The following CAMKMT variants were observed in gnomAD, a reference collection of about 807,000 sequenced individuals.
CAMKMT encodes the protein CaM KMT.
A neutral mutation model predicts 48.0 loss-of-function variants in CAMKMT; 53 were observed. The observed-to-expected ratio is 1.10, with a 90% CI of 0.89 to 1.39. The LOEUF is 1.39. CAMKMT is among the 40% of genes most tolerant of loss of function. CAMKMT has a pLI of 0.00. For missense variants in CAMKMT, 428 were observed against 402.7 expected (o/e 1.06, Z -0.54); for synonymous variants, 165 against 152.3 (o/e 1.08, Z -0.61).
chr2:44,655,096 T>C (rs1372179633), intron 3 of CAMKMT, among the ~76,000 whole-genome samples: 4 of 152,248 alleles, frequency 2.6e-5, no homozygotes, highest in Non-Finnish European at 2.9e-5. Flanking sequence ...GAATTTAAAA[T>C]ATATCCAGTT....
chr2:44,720,798 T>G (rs1678423534), intron 7 of CAMKMT, among the ~76,000 whole-genome samples: 1 of 152,180 alleles, frequency 6.6e-6, no homozygotes, highest in Non-Finnish European at 1.5e-5. Context: ...ATTTCATATT[T>G]ACTAAGACTT....
chr2:44,368,121 A>T (rs1678802235), intron 1 of CAMKMT, among the ~76,000 whole-genome samples: 1 of 152,070 alleles, frequency 6.6e-6, no homozygotes, highest in East Asian at 1.9e-4. Context: ...ACATGAACTT[A>T]TTTGGTATAT....
At chr2:44,388,200 A>G (rs967280893) in intron 2 of CAMKMT, among the ~76,000 whole-genome samples, 1 of 151,790 alleles carries the variant, frequency 6.6e-6, no homozygotes, top group South Asian at 2.1e-4. Flanking sequence ...CTTTGTTCAT[A>G]TTTTCTTATT....
rs189931945 is a variant in CAMKMT at position 44,579,343 on chromosome 2, C to T, written c.377-124940C>T. Among the ~76,000 whole-genome samples the T allele has an allele frequency of 6.6e-5, 10 of 152,110 alleles. No individual in the cohort carries two copies. The East Asian group carries it at 1.2e-3, about 18-fold the overall frequency. On this transcript the variant is annotated intron_variant, in intron 3 of 10. Coordinates refer to ENST00000378494, the MANE Select transcript of CAMKMT (RefSeq NM_024766.5). ...CAACATGGAAGCCCAGTAATTCATG[C>T]GCTGGTGTAATGGAGCAAATGAAAT...
At chr2:44,733,483 G>A (rs1679190733) in intron 7 of CAMKMT, among the ~76,000 whole-genome samples, 1 of 152,116 alleles carries the variant, frequency 6.6e-6, no homozygotes, top group Admixed American at 6.5e-5. Context: ...GTGCAGTGTT[G>A]AAGAATGAAA....
chr2:44,428,065 C>G (rs879559386), intron 3 of CAMKMT, among the ~76,000 whole-genome samples: 4 of 152,204 alleles, frequency 2.6e-5, no homozygotes, highest in Non-Finnish European at 4.4e-5. Context: ...CATTTGCCTT[C>G]TACTGTTGGC....
At chr2:44,389,002 G>C (rs1042914187) in intron 2 of CAMKMT, among the ~76,000 whole-genome samples, 1 of 152,174 alleles carries the variant, frequency 6.6e-6, no homozygotes, top group Non-Finnish European at 1.5e-5. Context: ...GGGAGGTGGT[G>C]CTTTCCAGAG....
chr2:44,547,298 G>C (rs1667460940), intron 3 of CAMKMT, among the ~76,000 whole-genome samples: 1 of 152,154 alleles, frequency 6.6e-6, no homozygotes, highest in African/African-American at 2.4e-5. Flanking sequence ...TAGTTGGAAA[G>C]ACAGTACCTC....
intron 3 of CAMKMT, among the ~76,000 whole-genome samples, chr2:44,443,714 A>G (rs1666809891): frequency 6.6e-6 from 1 of 152,174 alleles, no homozygotes; most frequent in African/African-American, 2.4e-5. Context: ...TGACTTCTTC[A>G]TGTCTGTTAA....
chr2:44,472,347 A>G (rs1668465083), intron 3 of CAMKMT, among the ~76,000 whole-genome samples: 1 of 152,166 alleles, frequency 6.6e-6, no homozygotes, highest in South Asian at 2.1e-4. Context: ...ATTTCATTTG[A>G]ATGATTATTT....
intron 7 of CAMKMT, 71 bp downstream of exon 7, chr2:44,715,424 A>AAAT (rs1384735162): frequency 1.8e-6 from 2 of 1,104,406 alleles, no homozygotes; most frequent in Non-Finnish European, 2.7e-6. Flanking sequence ...TGGTTATTAA[A>AAAT]AATAATAATA....
At chr2:44,413,001 G>A (rs142005992) in intron 3 of CAMKMT, among the ~76,000 whole-genome samples, 3,526 of 151,848 alleles carry the variant, frequency 0.023, 152 homozygotes, top group African/African-American at 0.081. Flanking sequence ...GCTTGAACCC[G>A]GGAAGCAGAG....
chr2:44,416,478 C>G (rs1442669206), intron 3 of CAMKMT, among the ~76,000 whole-genome samples: 1 of 151,636 alleles, frequency 6.6e-6, no homozygotes, highest in Admixed American at 6.6e-5. Context: ...CTCTCTGTCA[C>G]TATTGATTAG....
Position 44,410,231 on chromosome 2 carries a change from G to GTATATATATATA in CAMKMT, c.376+19932_376+19943dup, listed in dbSNP as rs1301135062. On this transcript the variant is annotated intron_variant, in intron 3 of 10. Transcript: ENST00000378494. ...AACTTAAGTAATTAGTCAGGTATCA[G>GTATATATATATA]TATATATATATATATATTTTTTTTT... Among the ~76,000 whole-genome samples, 7 of 20,446 alleles carry GTATATATATATA rather than the reference G, an allele frequency of 3.4e-4. 1 individual carries two copies. Among genetic ancestry groups the GTATATATATATA allele is most frequent in the African/African-American group, 5.5e-4 (3 of 5,450 alleles). 13.4% of individuals were successfully genotyped at this position (20,446 alleles called of 152,430 possible).
intron 3 of CAMKMT, among the ~76,000 whole-genome samples, chr2:44,552,518 T>C (rs1389149254): frequency 1.3e-5 from 2 of 152,194 alleles, no homozygotes; most frequent in Non-Finnish European, 2.9e-5. Context: ...AGTCCTTTCA[T>C]ACAAAATACT....
intron 3 of CAMKMT, among the ~76,000 whole-genome samples, chr2:44,546,216 C>G (rs17427776): frequency 0.071 from 10,567 of 149,214 alleles, 590 homozygotes; most frequent in Admixed American, 0.19. Context: ...CATGCACATA[C>G]CCCTATACCT....
rs1366814905 is a variant in CAMKMT at position 44,612,030 on chromosome 2, A to G, written c.377-92253A>G. 2.0e-5 allele frequency among the ~76,000 whole-genome samples: 3 copies of G among 152,266 alleles called. No homozygotes were observed. In the East Asian group the frequency reaches 5.8e-4, roughly 29 times the overall value. On this transcript the variant is annotated intron_variant, in intron 3 of 10. Coordinates refer to ENST00000378494, the MANE Select transcript of CAMKMT (RefSeq NM_024766.5). ...ATCTCAACATGAGATTTCAGTGGGG[A>G]AACATCCAAACTATATCATCTGGGT...
At chr2:44,390,416 T>G in intron 3 of CAMKMT, 111 bp downstream of exon 3, 1 of 698,700 alleles carries the variant, frequency 1.4e-6, no homozygotes, top group Non-Finnish European at 2.3e-6. Context: ...TGTATGCATA[T>G]ATGTATATAT....
intron 3 of CAMKMT, among the ~76,000 whole-genome samples, chr2:44,531,053 A>G (rs1440092841): frequency 6.6e-6 from 1 of 152,062 alleles, no homozygotes; most frequent in Non-Finnish European, 1.5e-5. Flanking sequence ...CTGATTTTTT[A>G]AATATATGGC....
Sources: gnomAD v4.1 joint callset for allele counts (sites outside exome capture counted in the v4.1 genomes callset) on GRCh38, gnomAD v4.1.1 for gene constraint, MANE v1.5 for transcripts, NCBI Gene and HGNC (gene_info 2026-07-23, HGNC 2026-07-21) for gene names.